NPY2R: variants seen among roughly 807,000 people sequenced by gnomAD.
NPY2R encodes the protein neuropeptide Y receptor Y2.
A neutral mutation model predicts 22.3 loss-of-function variants in NPY2R; 17 were observed. The observed-to-expected ratio is 0.76, with a 90% CI of 0.52 to 1.14. NPY2R has a LOEUF of 1.14. NPY2R is among the 50% of genes most tolerant of loss of function. The probability of loss-of-function intolerance (pLI) is 0.00; values close to 1 mark genes in which losing one functional copy is unlikely to be tolerated. For missense variants in NPY2R, 424 were observed against 467.9 expected, an observed-to-expected ratio of 0.91 and a Z score of 0.87; for synonymous variants, 209 against 183.4, an observed-to-expected ratio of 1.14 and a Z score of -1.13.
At chr4:155,203,930 C>G (rs1330416113), upstream of NPY2R, among the ~76,000 whole-genome samples, 2 of 152,160 alleles carry the variant, frequency 1.3e-5, no homozygotes, top group Non-Finnish European at 1.5e-5. Flanking sequence ...TTATTAGCTT[C>G]TCTGAGCTTT....
chr4:155,180,936 G>A, the NPY2R span, among the ~76,000 whole-genome samples: 1 of 151,922 alleles, frequency 6.6e-6, no homozygotes, highest in Non-Finnish European at 1.5e-5. Flanking sequence ...GGTGATTCAA[G>A]TAAAATAAAT....
the NPY2R span, among the ~76,000 whole-genome samples, chr4:155,181,392 A>C: frequency 6.6e-6 from 1 of 152,164 alleles, no homozygotes; most frequent in African/African-American, 2.4e-5. Context: ...AGGGAGAAAT[A>C]AACGTTGGAA....
chr4:155,199,281 G>C, the NPY2R span, among the ~76,000 whole-genome samples: 1 of 151,742 alleles, frequency 6.6e-6, no homozygotes, highest in Admixed American at 6.6e-5. Context: ...CTAAAATAGA[G>C]TATAAGGCCC....
the NPY2R span, among the ~76,000 whole-genome samples, chr4:155,197,274 G>A: frequency 6.6e-6 from 1 of 151,876 alleles, no homozygotes; most frequent in Non-Finnish European, 1.5e-5. Context: ...GTTTAGTAGT[G>A]AGGTCATATA....
chr4:155,203,584 C>T, the NPY2R span, among the ~76,000 whole-genome samples: 2 of 152,122 alleles, frequency 1.3e-5, no homozygotes, highest in African/African-American at 2.4e-5. Flanking sequence ...GCTCCTTCTC[C>T]TCCATGAAAG....
chr4:155,201,798 C>A, the NPY2R span, among the ~76,000 whole-genome samples: 3 of 152,064 alleles, frequency 2.0e-5, no homozygotes, highest in Non-Finnish European at 4.4e-5. Flanking sequence ...AGCAGAGATG[C>A]AAATAATTTC....
the NPY2R span, among the ~76,000 whole-genome samples, chr4:155,175,649 C>A: frequency 6.6e-6 from 1 of 152,048 alleles, no homozygotes; most frequent in Non-Finnish European, 1.5e-5. Flanking sequence ...AGCCTATTCT[C>A]AAGTGTAGTG....
At chr4:155,212,232 G>A (rs960348377) in intron 1 of NPY2R, among the ~76,000 whole-genome samples, 1 of 152,178 alleles carries the variant, frequency 6.6e-6, no homozygotes, top group Non-Finnish European at 1.5e-5. Flanking sequence ...TGAATGAACA[G>A]TGGCAGCCTT....
upstream of NPY2R, chr4:155,207,122 C>T (rs947436310): frequency 1.3e-5 from 2 of 152,166 alleles, no homozygotes; most frequent in African/African-American, 4.8e-5. Context: ...AATTCCTATA[C>T]TCCTGTGGGC....
chr4:155,177,558 C>T, the NPY2R span, among the ~76,000 whole-genome samples: 1 of 152,160 alleles, frequency 6.6e-6, no homozygotes, highest in Non-Finnish European at 1.5e-5. Context: ...CAGGCTGGTG[C>T]TGCATGCTGG....
the NPY2R span, among the ~76,000 whole-genome samples, chr4:155,199,816 G>T: frequency 6.6e-6 from 1 of 152,078 alleles, no homozygotes. Context: ...GCAGAAAACT[G>T]AAACTGGACC....
At chr4:155,192,032 C>T in the NPY2R span, among the ~76,000 whole-genome samples, 25 of 151,872 alleles carry the variant, frequency 1.6e-4, no homozygotes, top group South Asian at 2.5e-3. Flanking sequence ...AATTTTCTGG[C>T]GATACTTTCA....
rs760593362 is a variant in NPY2R, at chr4:155,214,454, C to T, written c.515C>T (p.Ala172Val). 8 of 1,613,976 alleles carry T rather than the reference C, an allele frequency of 5.0e-6. No homozygotes were observed. The highest frequency in any genetic ancestry group is 5.9e-6 in the Non-Finnish European group (7 of 1,180,012). Residue 172 changes from alanine (A) to valine (V), a missense_variant, in exon 2 of 2, where the codon GCC becomes GTC. Physicochemically the swap from Ala to Val is moderately conservative, Grantham distance 64 (BLOSUM62 0). Transcript: ENST00000329476. ...KRISFLIIGL[A>V]WGISALLASP... The stretch of plus-strand genomic sequence containing the variant: ...ATCAGCTTCCTGATTATTGGCTTGG[C>T]CTGGGGCATCAGTGCCCTGCTGGCA...
chr4:155,206,150 C>T (rs913471183), upstream of NPY2R, among the ~76,000 whole-genome samples: 1 of 152,168 alleles, frequency 6.6e-6, no homozygotes, highest in Non-Finnish European at 1.5e-5. Context: ...TGGCCCTAAC[C>T]ATGCAGGCAT....
chr4:155,195,800 G>A, the NPY2R span, among the ~76,000 whole-genome samples: 86,110 of 151,154 alleles, frequency 0.57, 25,408 homozygotes, highest in East Asian at 0.94. Flanking sequence ...ACCACTCAGA[G>A]GCTTTACTAC....
the NPY2R span, among the ~76,000 whole-genome samples, chr4:155,190,688 C>T: frequency 5.3e-5 from 8 of 151,982 alleles, no homozygotes; most frequent in East Asian, 5.8e-4. Flanking sequence ...CATTCAATGA[C>T]GTAAACCAGA....
At position 155,215,093 on chromosome 4, in the gene NPY2R, G is replaced by A. The variant is rs749370230; in HGVS notation, c.*8G>A. ...GAGGCTACCAATGTCTAAGGAAGCT[G>A]TGGTGTGAAAATGTATGGATGAATT... On this transcript the variant is annotated 3_prime_UTR_variant, in exon 2 of 2. Transcript: ENST00000329476. The A allele has an allele frequency of 1.1e-5, 18 of 1,611,508 alleles. No homozygotes were observed. Among genetic ancestry groups the A allele is most frequent in the Non-Finnish European group, 1.4e-5 (16 of 1,179,264 alleles).
At chr4:155,179,816 G>A in the NPY2R span, among the ~76,000 whole-genome samples, 1 of 151,926 alleles carries the variant, frequency 6.6e-6, no homozygotes, top group African/African-American at 2.4e-5. Flanking sequence ...ATCTCCCTAA[G>A]ATCTGGTCTC....
At chr4:155,212,634 T>C (rs1457173914) in intron 1 of NPY2R, among the ~76,000 whole-genome samples, 1 of 152,114 alleles carries the variant, frequency 6.6e-6, no homozygotes, top group African/African-American at 2.4e-5. Context: ...AATTAATTAA[T>C]AAATAAAAGC....
Sources: gnomAD v4.1 joint callset for allele counts (sites outside exome capture counted in the v4.1 genomes callset) on GRCh38, gnomAD v4.1.1 for gene constraint, MANE v1.5 for transcripts, NCBI Gene and HGNC (gene_info 2026-07-23, HGNC 2026-07-21) for gene names.